Variants in GBP7 observed in about 807,000 individuals in gnomAD.
GBP7 encodes the protein guanylate binding protein 7.
In GBP7, 43 loss-of-function variants were observed where a neutral mutation model predicts 61.3. The observed-to-expected ratio is 0.70, with a 90% CI of 0.55 to 0.91. The LOEUF is 0.91. Ranked by LOEUF, GBP7 falls within the 40% of genes least tolerant of loss-of-function variation. GBP7 has a pLI of 0.00. For missense variants in GBP7, 717 were observed against 740.5 expected, an observed-to-expected ratio of 0.97 and a Z score of 0.37; for synonymous variants, 267 against 271.0, an observed-to-expected ratio of 0.99 and a Z score of 0.14.
Position 89,132,183 on chromosome 1 carries a change from C to G in GBP7, c.1883G>C (p.Arg628Thr). 1 of 1,611,998 alleles carries G rather than the reference C, an allele frequency of 6.2e-7. No homozygotes were observed. The highest frequency in any genetic ancestry group is 1.1e-5 in the South Asian group (1 of 90,784). Residue 628 changes from arginine to threonine, a missense_variant, in exon 11 of 11, where the codon AGG becomes ACG. Around this residue, in one of 3 missense-constraint regions of GBP7, gnomAD observed 312 missense variants for 310.1 expected, o/e 1.01. Transcript: ENST00000294671. ...GMKILSSLCN[R>T]LRNPGKKIIS The stretch of plus-strand genomic sequence containing the variant: ...AATTTTCTTACCAGGATTTCTCAGC[C>G]TATTACATAATGAGCTAAGAATTTT...
chr1:89,153,415 T>C (rs1220040089), intron 3 of GBP7, among the ~76,000 whole-genome samples: 1 of 152,248 alleles, frequency 6.6e-6, no homozygotes, highest in East Asian at 1.9e-4. Context: ...AAAGTAGCAA[T>C]TGACACTGTC....
intron 1 of GBP7, among the ~76,000 whole-genome samples, chr1:89,173,406 C>T (rs931556140): frequency 6.6e-6 from 1 of 152,214 alleles, no homozygotes; most frequent in Non-Finnish European, 1.5e-5. Flanking sequence ...AAGCTTTTGA[C>T]TTTCCTTTTT....
intron 10 of GBP7, among the ~76,000 whole-genome samples, chr1:89,132,780 C>T (rs1437254334): frequency 6.6e-6 from 1 of 152,176 alleles, no homozygotes; most frequent in Non-Finnish European, 1.5e-5. Context: ...TGTCAAGCTC[C>T]AGTTTGGGAC....
chr1:89,156,961 A>T (rs368992487), intron 3 of GBP7, among the ~76,000 whole-genome samples: 1 of 152,198 alleles, frequency 6.6e-6, no homozygotes, highest in Admixed American at 6.5e-5. Flanking sequence ...GAAGTAAAGC[A>T]CTCCTCAGCA....
At chr1:89,175,767 C>A (rs991856213) in intron 1 of GBP7, among the ~76,000 whole-genome samples, 154 bp downstream of exon 1, 3 of 152,188 alleles carry the variant, frequency 2.0e-5, no homozygotes, top group African/African-American at 7.2e-5. Context: ...AATTAGAGCA[C>A]ACTAAGGTAC....
intron 2 of GBP7, among the ~76,000 whole-genome samples, chr1:89,167,137 G>T (rs1192789097): frequency 6.6e-6 from 1 of 152,234 alleles, no homozygotes; most frequent in Non-Finnish European, 1.5e-5. Flanking sequence ...GGCATCAGAA[G>T]TAGGACCCAA....
chr1:89,137,680 C>T (rs1029954084), intron 9 of GBP7, among the ~76,000 whole-genome samples: 1 of 152,038 alleles, frequency 6.6e-6, no homozygotes, highest in Non-Finnish European at 1.5e-5. Flanking sequence ...TATGAAAAAC[C>T]CACAGCCAAC....
intron 5 of GBP7, 85 bp from the exon 6 acceptor site, chr1:89,150,660 A>G: frequency 3.0e-6 from 4 of 1,344,318 alleles, no homozygotes; most frequent in Non-Finnish European, 4.2e-6. Context: ...CCTTCCATCA[A>G]TCACTACAGT....
intron 2 of GBP7, among the ~76,000 whole-genome samples, chr1:89,170,129 A>T (rs1647557476): frequency 6.6e-6 from 1 of 152,228 alleles, no homozygotes; most frequent in Admixed American, 6.5e-5. Flanking sequence ...TAACCAAGTT[A>T]TGAGATGCTA....
chr1:89,141,779 G>C, intron 8 of GBP7, 131 bp from the exon 9 acceptor site: 2 of 692,384 alleles, frequency 2.9e-6, no homozygotes, highest in Non-Finnish European at 4.9e-6. Context: ...TTCCACAGTG[G>C]TTTCTTTCCT....
intron 3 of GBP7, among the ~76,000 whole-genome samples, chr1:89,160,373 C>T (rs189356229): frequency 9.3e-4 from 142 of 152,032 alleles, no homozygotes; most frequent in Middle Eastern, 3.4e-3. Context: ...AAAAAATGTA[C>T]CTTAACTTCC....
rs748554081 is a variant in GBP7 at position 89,152,713 on chromosome 1, T to C, written c.383A>G (p.Tyr128Cys). 1.2e-6 allele frequency: 2 copies of C among 1,612,738 alleles called. No homozygotes were observed. Among genetic ancestry groups the C allele is most frequent in the Non-Finnish European group, 1.7e-6 (2 of 1,179,944 alleles). Residue 128 changes from tyrosine (Y) to cysteine (C), a missense_variant, in exon 4 of 11, where the codon TAC (tyrosine) becomes TGC (cysteine). Around this residue, in one of 3 missense-constraint regions of GBP7, gnomAD observed 387 missense variants for 385.2 expected, o/e 1.00. Transcript: ENST00000294671. ...LAVLLSSSFV[Y>C]NSMGTINHQA... ...GTGGTTGATGGTGCCCATGCTGTTG[T>C]AGACAAAGCTGCTGCTTAGAAGCAC...
chr1:89,164,074 T>G (rs1647353563), intron 3 of GBP7, among the ~76,000 whole-genome samples: 1 of 152,206 alleles, frequency 6.6e-6, no homozygotes, highest in Non-Finnish European at 1.5e-5. Flanking sequence ...TTCACCATGT[T>G]GGCTAGGCTG....
chr1:89,145,001 G>A (rs377033395), intron 8 of GBP7, among the ~76,000 whole-genome samples: 35 of 149,884 alleles, frequency 2.3e-4, no homozygotes, highest in African/African-American at 8.4e-4. Flanking sequence ...TCACCAAGGT[G>A]GAGTGCAGTG....
chr1:89,164,950 C>G (rs1314901229), intron 2 of GBP7, 92 bp from the exon 3 acceptor site: 1 of 1,301,506 alleles, frequency 7.7e-7, no homozygotes, highest in Admixed American at 2.3e-5. Flanking sequence ...CGTTAAGTTC[C>G]TGGCAGGGGA....
At chr1:89,138,989 C>G (rs549077188) in intron 9 of GBP7, among the ~76,000 whole-genome samples, 2 of 152,082 alleles carry the variant, frequency 1.3e-5, no homozygotes, top group South Asian at 4.2e-4. Flanking sequence ...AAGAACAAAG[C>G]AAACAACCCC....
At chr1:89,150,225 A>G (rs1203095988) in intron 6 of GBP7, 105 bp downstream of exon 6, 68 of 1,069,618 alleles carry the variant, frequency 6.4e-5, no homozygotes, top group Non-Finnish European at 7.5e-5. Context: ...ACCTCATAAC[A>G]CAGATGTTAT....
chr1:89,175,075 A>G (rs1174440104), intron 1 of GBP7, among the ~76,000 whole-genome samples: 1 of 152,202 alleles, frequency 6.6e-6, no homozygotes, highest in African/African-American at 2.4e-5. Flanking sequence ...TTTAAGTTGA[A>G]TGTCTCAATC....
At chr1:89,165,450 T>G (rs1187849603) in intron 2 of GBP7, among the ~76,000 whole-genome samples, 1 of 148,634 alleles carries the variant, frequency 6.7e-6, no homozygotes, top group East Asian at 2.0e-4. Flanking sequence ...TGCAGTGAGC[T>G]GAGATTGTGC....
Sources: gnomAD v4.1 joint callset for allele counts (sites outside exome capture counted in the v4.1 genomes callset) on GRCh38, gnomAD v4.1.1 for gene constraint, gnomAD v4.1.1 regional missense constraint, MANE v1.5 for transcripts, NCBI Gene and HGNC (gene_info 2026-07-23, HGNC 2026-07-21) for gene names.